Variants in GATAD2B observed in about 807,000 individuals in gnomAD.
GATAD2B encodes transcriptional repressor p66-beta.
GATAD2B carries 8 observed loss-of-function variants against 64.3 expected under a neutral mutation model. The ratio of observed to expected loss-of-function variants is 0.12; its 90% CI spans 0.07 to 0.22. GATAD2B has a LOEUF of 0.22. GATAD2B is among the 10% of genes least tolerant of loss of function. GATAD2B has a pLI of 1.00. For missense variants in GATAD2B, 453 were observed against 752.0 expected (o/e 0.60, Z 4.65); for synonymous variants, 281 against 271.3 (o/e 1.04, Z -0.35).
rs957278014 is a variant in GATAD2B, at chr1:153,852,654, T to C, written c.-1-24306A>G. 1.2e-5 allele frequency: 10 copies of C among 860,254 alleles called. 1 individual carries two copies. Among genetic ancestry groups the C allele is most frequent in the Non-Finnish European group, 1.8e-5 (9 of 494,708 alleles). 53.3% of individuals were successfully genotyped at this position (860,254 alleles called of 1,614,324 possible). On this transcript the variant is annotated intron_variant, in intron 1 of 10. Transcript: ENST00000368655. Reference sequence around the variant, plus strand: ...AATCAAGTGAACAGAAGAACGGAGCTGAGAAATGGTCTCTTGGCTTTTTTG... The same window carrying C: ...AATCAAGTGAACAGAAGAACGGAGCCGAGAAATGGTCTCTTGGCTTTTTTG...
intron 1 of GATAD2B, among the ~76,000 whole-genome samples, chr1:153,914,160 T>G (rs1340695237): frequency 2.2e-5 from 3 of 139,146 alleles, no homozygotes; most frequent in African/African-American, 8.2e-5. Context: ...GGAGAATCGT[T>G]TGAACCCGGG....
At chr1:153,860,391 G>A (rs2101919535) in intron 1 of GATAD2B, among the ~76,000 whole-genome samples, 1 of 152,246 alleles carries the variant, frequency 6.6e-6, no homozygotes. Context: ...CTGGAGTGCA[G>A]TGGTGCAATC....
At position 153,816,505 on chromosome 1, in the gene GATAD2B, C is replaced by T. The variant is rs752001843; in HGVS notation, c.984G>A (p.Thr328=). The T allele has an allele frequency of 6.8e-6, 11 of 1,613,140 alleles. No individual in the cohort carries two copies. The Admixed American group carries it at 1.0e-4, about 15-fold the overall frequency. The change falls in exon 7 of 11, where the codon ACG becomes ACA. Residue 328 remains threonine, a synonymous_variant. Transcript: ENST00000368655. The surrounding 1 kb of genome is among the most constrained non-coding windows in gnomAD (Gnocchi z 4.9). ...GAAGTGGCGAGGACACTCTGTTCACCGTCCCTGGCTGGATATGAGAAGCAA... is the reference window on the plus strand; with the variant it reads ...GAAGTGGCGAGGACACTCTGTTCACTGTCCCTGGCTGGATATGAGAAGCAA... The part of the protein sequence containing the change: ...MNLASHIQPG[T]VNRVSSPLPS...
In GATAD2B at chr1:153,805,823, T is replaced by G. The variant is rs2101868750; in HGVS notation, c.*4354A>C. The G allele has an allele frequency of 6.6e-6, 1 of 152,308 alleles. No homozygotes were observed. The highest frequency in any genetic ancestry group is 2.4e-5 in the African/African-American group (1 of 41,562). 9.4% of individuals were successfully genotyped at this position (152,308 alleles called of 1,614,324 possible). A position where few individuals can be genotyped will look rare whatever the true frequency, so the allele number is the denominator to read the frequency against. Reference sequence around the variant, plus strand: ...CCCAGGTCTCCAGATTGTAGCCCCCTCAACCCCTTTTGTGTTGGTGGTTCT... The same window carrying G: ...CCCAGGTCTCCAGATTGTAGCCCCCGCAACCCCTTTTGTGTTGGTGGTTCT... On this transcript the variant is annotated 3_prime_UTR_variant, in exon 11 of 11. Coordinates refer to ENST00000368655, the MANE Select transcript of GATAD2B (RefSeq NM_020699.4).
chr1:153,887,941 G>T (rs1481904029), intron 1 of GATAD2B, among the ~76,000 whole-genome samples: 1 of 151,628 alleles, frequency 6.6e-6, no homozygotes, highest in Non-Finnish European at 1.5e-5. Flanking sequence ...ACAAAAATTA[G>T]CCGGGCATGG....
chr1:153,894,297 G>A (rs781626258), intron 1 of GATAD2B, among the ~76,000 whole-genome samples: 59 of 151,824 alleles, frequency 3.9e-4, no homozygotes, highest in Non-Finnish European at 7.4e-4. Flanking sequence ...GTGAAACCTC[G>A]TCTCTACTAA....
intron 1 of GATAD2B, among the ~76,000 whole-genome samples, chr1:153,917,914 A>G (rs1678320304): frequency 6.6e-6 from 1 of 152,218 alleles, no homozygotes; most frequent in Non-Finnish European, 1.5e-5. Context: ...TACAATTTTA[A>G]AGAAAGGAAG....
chr1:153,874,960 A>G (rs1001814842), intron 1 of GATAD2B, among the ~76,000 whole-genome samples: 3 of 152,046 alleles, frequency 2.0e-5, no homozygotes, highest in Non-Finnish European at 4.4e-5. Flanking sequence ...GGTTCACTGC[A>G]GCCTCAAACT....
intron 1 of GATAD2B, among the ~76,000 whole-genome samples, chr1:153,844,103 T>C (rs1675596518): frequency 6.6e-6 from 1 of 152,058 alleles, no homozygotes; most frequent in Non-Finnish European, 1.5e-5. Context: ...CAGAGAAAGC[T>C]GCAGAGAAAG....
chr1:153,815,911 G>A (rs773698687), intron 7 of GATAD2B, among the ~76,000 whole-genome samples: 2 of 152,090 alleles, frequency 1.3e-5, no homozygotes, highest in Non-Finnish European at 2.9e-5. Flanking sequence ...AAATTAACCG[G>A]GTGTGGTGCC....
intron 2 of GATAD2B, among the ~76,000 whole-genome samples, chr1:153,824,010 G>T (rs755123700): frequency 6.6e-6 from 1 of 152,082 alleles, no homozygotes; most frequent in Non-Finnish European, 1.5e-5. Flanking sequence ...GATTACAGGC[G>T]TGAGCCACTG....
chr1:153,868,462 C>T (rs1252067964), intron 1 of GATAD2B, among the ~76,000 whole-genome samples: 9 of 80,990 alleles, frequency 1.1e-4, no homozygotes, highest in Non-Finnish European at 1.7e-4. Context: ...GCATGGGGGA[C>T]GGGGTGGGGG....
chr1:153,819,983 A>G (rs985020660), intron 2 of GATAD2B, among the ~76,000 whole-genome samples: 25 of 152,102 alleles, frequency 1.6e-4, no homozygotes, highest in Middle Eastern at 3.4e-3. Context: ...CTGTAGTCCC[A>G]GCTACTCAGG....
intron 1 of GATAD2B, among the ~76,000 whole-genome samples, chr1:153,832,309 A>C (rs1167332877): frequency 2.0e-5 from 3 of 152,238 alleles, no homozygotes; most frequent in Non-Finnish European, 4.4e-5. Context: ...AATAATGGCA[A>C]AGTGCAAAGG....
intron 10 of GATAD2B, chr1:153,811,498 T>G: frequency 1.7e-6 from 1 of 574,432 alleles, no homozygotes. Context: ...TATTAAAAGT[T>G]AAATTGATAA....
chr1:153,868,030 C>A (rs867810115), intron 1 of GATAD2B, among the ~76,000 whole-genome samples: 12 of 151,780 alleles, frequency 7.9e-5, no homozygotes, highest in Admixed American at 2.6e-4. Flanking sequence ...GAAACCCCGT[C>A]TTTACTTAAA....
In GATAD2B at chr1:153,888,195, G is replaced by A. The variant is rs566590687; in HGVS notation, c.-2+34538C>T. Among the ~76,000 whole-genome samples, 7 of 152,078 alleles carry A rather than the reference G, an allele frequency of 4.6e-5. No individual in the cohort carries two copies. In the East Asian group the frequency reaches 7.7e-4, roughly 17 times the overall value. ...TTTCATTTATCATACAGCACAAGAT[G>A]TGTCTAGGCCAATCTCTTCTGTAAG... On this transcript the variant is annotated intron_variant, in intron 1 of 10. Transcript: ENST00000368655.
At chr1:153,849,177 T>C (rs776390410) in intron 1 of GATAD2B, among the ~76,000 whole-genome samples, 1 of 152,076 alleles carries the variant, frequency 6.6e-6, no homozygotes, top group Non-Finnish European at 1.5e-5. Flanking sequence ...TGACCAGAAG[T>C]TTATTGGCTA....
intron 1 of GATAD2B, among the ~76,000 whole-genome samples, chr1:153,845,991 TA>T (rs1675674438): frequency 6.8e-6 from 1 of 146,664 alleles, no homozygotes; most frequent in Non-Finnish European, 1.5e-5. Context: ...TTTTTTGCCT[TA>T]AAGTTTGTCT....
Sources: allele counts gnomAD v4.1 joint callset (sites outside exome capture counted in the v4.1 genomes callset), GRCh38; gene constraint gnomAD v4.1.1; non-coding constraint Gnocchi (gnomAD v3.1); transcripts MANE v1.5; gene names NCBI Gene and HGNC (gene_info 2026-07-23, HGNC 2026-07-21).